Variants in SOD2 observed in about 807,000 individuals in gnomAD.
The protein encoded by SOD2 is superoxide dismutase [Mn], mitochondrial.
SOD2 carries 11 observed loss-of-function variants against 27.0 expected under a neutral mutation model. The ratio of observed to expected loss-of-function variants is 0.41; its 90% CI spans 0.26 to 0.67. The LOEUF (loss-of-function observed/expected upper bound fraction) is 0.67. Ranked by LOEUF, SOD2 falls within the 30% of genes least tolerant of loss-of-function variation. The pLI is 0.34. For synonymous variants in SOD2, 105 were observed against 103.0 expected, an observed-to-expected ratio of 1.02 and a Z score of -0.12; for missense variants, 250 against 274.5, an observed-to-expected ratio of 0.91 and a Z score of 0.63.
chr6:159,714,392 C>T (rs188825225), intron 1 of SOD2, among the ~76,000 whole-genome samples: 1 of 152,180 alleles, frequency 6.6e-6, no homozygotes, highest in Non-Finnish European at 1.5e-5. Context: ...ATAAGCCTAG[C>T]TTCCATCGGG....
chr6:159,702,832 A>AAGAGT (rs1777549985), intron 1 of SOD2, among the ~76,000 whole-genome samples: 3 of 133,428 alleles, frequency 2.2e-5, no homozygotes, highest in East Asian at 4.8e-4. Context: ...CCTGGGCGAC[A>AAGAGT]GAGCAAGACC....
At chr6:159,685,219 C>CTTTTTTTTTTTTTTTTTTTTTTTTTT (rs750824041) in intron 3 of SOD2, among the ~76,000 whole-genome samples, 186 bp from the exon 4 acceptor site, 5 of 73,912 alleles carry the variant, frequency 6.8e-5, no homozygotes, top group Admixed American at 2.1e-4. Context: ...ATAACTTCAA[C>CTTTTTTTTTTTTTTTTTTTTTTTTTT]TTTTTTTTTT....
chr6:159,690,159 C>T (rs1236391701), intron 2 of SOD2, among the ~76,000 whole-genome samples: 8 of 147,772 alleles, frequency 5.4e-5, no homozygotes, highest in Non-Finnish European at 7.5e-5. Context: ...TGGTGGCGTA[C>T]GCCTGTAATC....
At position 159,681,759 on chromosome 6, in the gene SOD2, ATACT is replaced by A. The variant is rs1209327273; in HGVS notation, c.*730_*733del. ...TCCTGAAATTTACCACTGCCTTTAA[ATACT>A]CTAGCTTGTAGGTCATCATGGAGAT... On this transcript the variant is annotated 3_prime_UTR_variant, in exon 5 of 5. Coordinates refer to ENST00000538183, the MANE Select transcript of SOD2 (RefSeq NM_000636.4). 1 of 152,178 alleles carries A rather than the reference ATACT, an allele frequency of 6.6e-6. No homozygotes were observed. The highest frequency in any genetic ancestry group is 1.9e-4 in the East Asian group (1 of 5,196). 9.4% of individuals were successfully genotyped at this position (152,178 alleles called of 1,614,324 possible).
At chr6:159,740,866 T>C (rs1051474860) in intron 1 of SOD2, among the ~76,000 whole-genome samples, 1 of 152,048 alleles carries the variant, frequency 6.6e-6, no homozygotes, top group Admixed American at 6.6e-5. Flanking sequence ...CATGCCCTGC[T>C]AATTTTTTTG....
intron 1 of SOD2, among the ~76,000 whole-genome samples, chr6:159,701,640 A>G (rs916614215): frequency 6.6e-6 from 1 of 152,128 alleles, no homozygotes; most frequent in African/African-American, 2.4e-5. Flanking sequence ...AAGCCCATGA[A>G]GCAAATTTAA....
chr6:159,728,400 CTG>C (rs1364978900), upstream of SOD2, among the ~76,000 whole-genome samples: 2 of 150,848 alleles, frequency 1.3e-5, no homozygotes, highest in South Asian at 2.1e-4. Flanking sequence ...ACTAGCATAA[CTG>C]TGATTATGTA....
rs1486096322 is a variant in SOD2, at chr6:159,673,388, T to C, written c.*9105A>G. On this transcript the variant is annotated 3_prime_UTR_variant, in exon 5 of 5. Coordinates refer to ENST00000538183, the MANE Select transcript of SOD2 (RefSeq NM_000636.4). ...AGCAAATGTAAAAGAACAGAAATTA[T>C]AACATACTGTCTCAGACCACAGTGC... 1 of 152,168 alleles carries C rather than the reference T, an allele frequency of 6.6e-6. No individual in the cohort carries two copies. Among genetic ancestry groups the C allele is most frequent in the African/African-American group, 2.4e-5 (1 of 41,440 alleles). The allele number at this position is 152,168 out of a possible 1,614,324, so 9.4% of individuals were successfully genotyped here.
intron 1 of SOD2, among the ~76,000 whole-genome samples, chr6:159,735,768 TATATA>T (rs1244924662): frequency 1.3e-5 from 2 of 151,832 alleles, no homozygotes; most frequent in African/African-American, 2.4e-5. Flanking sequence ...AAAAATAAAA[TATATA>T]ATATATCTAA....
rs1168648107 is a variant in SOD2, at chr6:159,670,311, T to C, written c.*12182A>G. On this transcript the variant is annotated 3_prime_UTR_variant, in exon 5 of 5. Coordinates refer to ENST00000538183, the MANE Select transcript of SOD2 (RefSeq NM_000636.4). Reference sequence around the variant, plus strand: ...TATAGGCCACCACACTCAGCCTTGATAGGTGAAGACTTACTTGTGTCATTT... The same window carrying C: ...TATAGGCCACCACACTCAGCCTTGACAGGTGAAGACTTACTTGTGTCATTT... The C allele has an allele frequency of 2.0e-5, 3 of 152,216 alleles. No homozygotes were observed. Among genetic ancestry groups the C allele is most frequent in the Non-Finnish European group, 4.4e-5 (3 of 68,042 alleles). The allele number at this position is 152,216 out of a possible 1,614,324, so 9.4% of individuals were successfully genotyped here.
At chr6:159,754,712 G>A (rs1455165767) in intron 1 of SOD2, among the ~76,000 whole-genome samples, 14 of 152,016 alleles carry the variant, frequency 9.2e-5, no homozygotes, top group Admixed American at 9.2e-4. Context: ...GGGGGATAAT[G>A]ACAAGAAAAA....
Position 159,693,125 on chromosome 6 carries a change from C to T in SOD2, c.23+20G>A, listed in dbSNP as rs5746095. 18 of 1,528,900 alleles carry T rather than the reference C, an allele frequency of 1.2e-5. No individual in the cohort carries two copies. In the African/African-American group the frequency reaches 2.0e-4, roughly 17 times the overall value. The allele number at this position is 1,528,900 out of a possible 1,614,324, so 94.7% of individuals were successfully genotyped here. On this transcript the variant is annotated intron_variant, in intron 1 of 4. Transcript: ENST00000538183. ...GCCCCTTCGCCCTTGGGGCCGTGAC[C>T]GGGTCCCCTTTCTTCTCACCCGCAC...
intron 2 of SOD2, among the ~76,000 whole-genome samples, chr6:159,690,110 CCT>C (rs1780381173): frequency 6.6e-6 from 1 of 150,728 alleles, no homozygotes; most frequent in Non-Finnish European, 1.5e-5. Flanking sequence ...ATGGAAAAAC[CCT>C]GTCTCTACTA....
At chr6:159,697,042 C>A (rs1421917237), upstream of SOD2, among the ~76,000 whole-genome samples, 1 of 146,802 alleles carries the variant, frequency 6.8e-6, no homozygotes, top group Non-Finnish European at 1.5e-5. Flanking sequence ...CTGACACACA[C>A]ACACACACAC....
Position 159,684,272 on chromosome 6 carries a change from T to C in SOD2, c.523+582A>G, listed in dbSNP as rs537211811. On this transcript the variant is annotated intron_variant, in intron 4 of 4. Transcript: ENST00000538183. ...CTAATTTTTTTTTTATTTTAGTACA[T>C]ATAATTATCTAAGCTGATATTAATT... 2.9e-4 allele frequency among the ~76,000 whole-genome samples: 44 copies of C among 152,232 alleles called. No homozygotes were observed. The South Asian group carries it at 9.1e-3, about 32-fold the overall frequency.
intron 1 of SOD2, chr6:159,743,888 AAG>A: frequency 7.6e-7 from 1 of 1,311,480 alleles, no homozygotes; most frequent in Non-Finnish European, 1.0e-6. Context: ...TGCTAAATAT[AAG>A]AGCTTATCTT....
rs1202287689 is a variant in SOD2 at position 159,742,235 on chromosome 6, G to A, written c.-116+2895C>T. On this transcript the variant is annotated intron_variant, in intron 1 of 3. Transcript: ENST00000537657. ...GATAGTTGTTTTTATTAAAGCAAATGTAATTTTTCTCGTGTTTTATTATAA... is the reference window on the plus strand; with the variant it reads ...GATAGTTGTTTTTATTAAAGCAAATATAATTTTTCTCGTGTTTTATTATAA... 1.6e-5 allele frequency: 19 copies of A among 1,170,256 alleles called. No homozygotes were observed. In the Admixed American group the frequency reaches 4.2e-4, roughly 26 times the overall value. 72.5% of individuals were successfully genotyped at this position (1,170,256 alleles called of 1,614,324 possible).
rs1779639433 is a variant in SOD2 at position 159,670,836 on chromosome 6, C to G, written c.*11657G>C. 6.6e-6 allele frequency: 1 copy of G among 152,312 alleles called. No individual in the cohort carries two copies. The highest frequency in any genetic ancestry group is 1.5e-5 in the Non-Finnish European group (1 of 68,138). The allele number at this position is 152,312 out of a possible 1,614,324, so 9.4% of individuals were successfully genotyped here. A position where few individuals can be genotyped will look rare whatever the true frequency, so the allele number is the denominator to read the frequency against. ...GCAAGGGGTCAGGGAATTCCCTTTC[C>G]TAGCCAAGGGAAGCTGTGACAGACG... On this transcript the variant is annotated 3_prime_UTR_variant, in exon 5 of 5. Coordinates refer to ENST00000538183, the MANE Select transcript of SOD2 (RefSeq NM_000636.4).
exon 1 of SOD2, chr6:159,762,187 C>T (rs887715496): frequency 6.9e-6 from 11 of 1,587,836 alleles, no homozygotes; most frequent in Non-Finnish European, 9.4e-6. Flanking sequence ...GCGCCTGCTG[C>T]TTCGGCAGGA....
Sources: gnomAD v4.1 joint callset for allele counts (sites outside exome capture counted in the v4.1 genomes callset) on GRCh38, gnomAD v4.1.1 for gene constraint, MANE v1.5 for transcripts, NCBI Gene and HGNC (gene_info 2026-07-23, HGNC 2026-07-21) for gene names.